The following DENND5B variants were observed in gnomAD, a reference collection of about 807,000 sequenced individuals.
DENND5B encodes the protein DENN domain containing 5B.
A neutral mutation model predicts 140.6 loss-of-function variants in DENND5B; 34 were observed. The ratio of observed to expected loss-of-function variants is 0.24; its 90% CI spans 0.18 to 0.32. DENND5B has a LOEUF of 0.32. Ranked by LOEUF, DENND5B falls within the 10% of genes least tolerant of loss-of-function variation. The pLI is 1.00. For synonymous variants in DENND5B, 551 were observed against 562.1 expected (o/e 0.98, Z 0.28); for missense variants, 1,142 against 1,560.2 (o/e 0.73, Z 4.52).
chr12:31,487,495 C>T (rs1194209741), intron 2 of DENND5B, among the ~76,000 whole-genome samples: 1 of 152,072 alleles, frequency 6.6e-6, no homozygotes, highest in Non-Finnish European at 1.5e-5. Context: ...CTCAGGAGTT[C>T]AAGACCACCA....
intron 9 of DENND5B, among the ~76,000 whole-genome samples, chr12:31,426,038 T>C (rs1943215666): frequency 6.6e-6 from 1 of 152,186 alleles, no homozygotes; most frequent in Admixed American, 6.5e-5. Context: ...CATCCGTTCA[T>C]GTTGGTGAGG....
At chr12:31,536,566 C>A (rs981354388) in intron 1 of DENND5B, among the ~76,000 whole-genome samples, 1 of 151,570 alleles carries the variant, frequency 6.6e-6, no homozygotes, top group Non-Finnish European at 1.5e-5. Flanking sequence ...AGTACACCTA[C>A]AAGATCTAGA....
At chr12:31,451,648 T>A (rs1163437863) in intron 5 of DENND5B, 1 of 341,050 alleles carries the variant, frequency 2.9e-6, no homozygotes, top group African/African-American at 2.2e-5. Context: ...TAAGCATCTT[T>A]AAGGTAAAGA....
intron 1 of DENND5B, among the ~76,000 whole-genome samples, chr12:31,515,164 G>GT (rs1947580398): frequency 6.6e-6 from 1 of 152,106 alleles, no homozygotes; most frequent in Non-Finnish European, 1.5e-5. Flanking sequence ...TATAAGCCGA[G>GT]TGTGGTGGTG....
chr12:31,442,984 T>C lies in DENND5B; in HGVS notation c.1862-59A>G, dbSNP rs777660323. ...TTCATTGCTAGCCCTTCAAAAATAA[T>C]GCTTCCTCCACTCATGCACCTACAG... On this transcript the variant is annotated intron_variant, in intron 6 of 20. Transcript: ENST00000389082. The C allele has an allele frequency of 3.5e-4, 510 of 1,477,632 alleles. 2 individuals are homozygous for C. Among genetic ancestry groups the C allele is most frequent in the Non-Finnish European group, 4.4e-4 (481 of 1,095,044 alleles). 91.5% of individuals were successfully genotyped at this position (1,477,632 alleles called of 1,614,324 possible). A position where few individuals can be genotyped will look rare whatever the true frequency, so the allele number is the denominator to read the frequency against.
At chr12:31,514,589 G>A (rs377373696) in intron 1 of DENND5B, among the ~76,000 whole-genome samples, 1 of 152,188 alleles carries the variant, frequency 6.6e-6, no homozygotes, top group South Asian at 2.1e-4. Context: ...GCCAAGGTGG[G>A]TGGATCACTT....
Position 31,580,787 on chromosome 12 carries a change from G to A in DENND5B, c.127+9919C>T, listed in dbSNP as rs181686871. On this transcript the variant is annotated intron_variant, in intron 1 of 20. Coordinates refer to ENST00000389082, the MANE Select transcript of DENND5B (RefSeq NM_144973.4). ...TGGGATTATAGGGCTAAGCCACCGC[G>A]CCTGGTCCATTTTAGAGTTTTTAAA... Among the ~76,000 whole-genome samples, 11 of 151,610 alleles carry A rather than the reference G, an allele frequency of 7.3e-5. No homozygotes were observed. The East Asian group carries it at 9.7e-4, about 13-fold the overall frequency.
chr12:31,564,561 C>CTATTATTATTATTAT (rs3074755), intron 1 of DENND5B, among the ~76,000 whole-genome samples: 29 of 136,054 alleles, frequency 2.1e-4, no homozygotes, highest in South Asian at 1.2e-3. Flanking sequence ...TCTTTTCATT[C>CTATTATTATTATTAT]TATTATTATT....
At chr12:31,415,496 T>TA (rs1942686778) in intron 11 of DENND5B, 48 bp from the exon 12 acceptor site, 1 of 1,412,130 alleles carries the variant, frequency 7.1e-7, no homozygotes, top group Non-Finnish European at 9.8e-7. Context: ...ATAAAAAATA[T>TA]ACATGGTTCA....
At chr12:31,426,547 TAAC>T (rs1217752566) in intron 8 of DENND5B, 123 bp from the exon 9 acceptor site, 24 of 1,085,344 alleles carry the variant, frequency 2.2e-5, no homozygotes, top group Middle Eastern at 2.8e-4. Flanking sequence ...TATGTGCATA[TAAC>T]AACAATTAAT....
rs1940731404 is a variant in DENND5B, at chr12:31,383,708, C to G, written c.*3895G>C. 1.3e-5 allele frequency: 2 copies of G among 152,170 alleles called. No homozygotes were observed. The highest frequency in any genetic ancestry group is 1.5e-5 in the Non-Finnish European group (1 of 68,042). 9.4% of individuals were successfully genotyped at this position (152,170 alleles called of 1,614,324 possible). On this transcript the variant is annotated 3_prime_UTR_variant, in exon 21 of 21. Coordinates refer to ENST00000389082, the MANE Select transcript of DENND5B (RefSeq NM_144973.4). The stretch of plus-strand genomic sequence containing the variant: ...GGACTCCACTTTATACTACTTCACA[C>G]TGACTCGCAGTCATTTTTAAGGCAT...
intron 1 of DENND5B, among the ~76,000 whole-genome samples, chr12:31,518,679 A>T (rs2138982545): frequency 6.6e-6 from 1 of 152,262 alleles, no homozygotes; most frequent in Non-Finnish European, 1.5e-5. Flanking sequence ...AAACTAACTT[A>T]AAATCACCTT....
At chr12:31,487,349 T>A (rs1465228947) in intron 2 of DENND5B, among the ~76,000 whole-genome samples, 1 of 152,148 alleles carries the variant, frequency 6.6e-6, no homozygotes, top group Non-Finnish European at 1.5e-5. Flanking sequence ...TACGTTCACA[T>A]TAAGGCTGAT....
chr12:31,399,972 T>C (rs542637465), intron 15 of DENND5B, among the ~76,000 whole-genome samples, 200 bp from the exon 16 acceptor site: 3 of 152,306 alleles, frequency 2.0e-5, no homozygotes, highest in East Asian at 1.9e-4. Flanking sequence ...AGGAGACATA[T>C]GGACATTAAC....
chr12:31,470,127 TTC>T (rs1491475814), intron 3 of DENND5B, among the ~76,000 whole-genome samples: 5 of 144,572 alleles, frequency 3.5e-5, no homozygotes, highest in African/African-American at 5.4e-5. Flanking sequence ...TTTTTTTTTT[TTC>T]TTTGGAGATG....
intron 1 of DENND5B, among the ~76,000 whole-genome samples, chr12:31,587,539 T>C (rs1457459717): frequency 3.1e-5 from 3 of 96,706 alleles, no homozygotes; most frequent in African/African-American, 5.2e-5. Context: ...TTTTTTTTTT[T>C]TTTTTTTTTT....
At chr12:31,402,348 A>C in intron 15 of DENND5B, 150 bp downstream of exon 15, 1 of 966,898 alleles carries the variant, frequency 1.0e-6, no homozygotes, top group Non-Finnish European at 1.5e-6. Context: ...GCTTAAGACA[A>C]CTTTAGACAT....
In DENND5B at chr12:31,385,615, AC is replaced by A. The variant is rs1382631777; in HGVS notation, c.*1987del. 1 of 152,228 alleles carries A rather than the reference AC, an allele frequency of 6.6e-6. No homozygotes were observed. Among genetic ancestry groups the A allele is most frequent in the Non-Finnish European group, 1.5e-5 (1 of 68,048 alleles). 9.4% of individuals were successfully genotyped at this position (152,228 alleles called of 1,614,324 possible). Reference sequence around the variant, plus strand: ...GGAAGAGCTGTACCATTGTAGACACACTTTAGCTTCAGGCAAACAAATTTCT... The same window carrying A: ...GGAAGAGCTGTACCATTGTAGACACATTTAGCTTCAGGCAAACAAATTTCT... On this transcript the variant is annotated 3_prime_UTR_variant, in exon 21 of 21. Coordinates refer to ENST00000389082, the MANE Select transcript of DENND5B (RefSeq NM_144973.4).
In DENND5B at chr12:31,394,098, C is replaced by A. The variant is rs183759691; in HGVS notation, c.3257-1402G>T. Among the ~76,000 whole-genome samples, 82 of 152,234 alleles carry A rather than the reference C, an allele frequency of 5.4e-4. 1 individual carries two copies. The highest frequency in any genetic ancestry group is 1.0e-3 in the Non-Finnish European group (68 of 68,012). ...AGTACTGATACCATGGCCTCTTGTT[C>A]CTAGTGGTTTCTTTACCCAGTAGTT... On this transcript the variant is annotated intron_variant, in intron 17 of 20. Transcript: ENST00000389082.
Sources: gnomAD v4.1 joint callset for allele counts (sites outside exome capture counted in the v4.1 genomes callset) on GRCh38, gnomAD v4.1.1 for gene constraint, MANE v1.5 for transcripts, NCBI Gene and HGNC (gene_info 2026-07-23, HGNC 2026-07-21) for gene names.